The following EPHA5 variants were observed in gnomAD, a reference collection of about 807,000 sequenced individuals.
The protein encoded by EPHA5 is ephrin type-A receptor 5.
Under a neutral mutation model 105.0 loss-of-function variants are expected in EPHA5, and 60 were observed. The observed-to-expected ratio is 0.57, with a 90% CI of 0.46 to 0.71. The LOEUF is 0.71. Ranked by LOEUF, EPHA5 falls within the 30% of genes least tolerant of loss-of-function variation. The pLI, the probability that EPHA5 is intolerant of heterozygous loss-of-function variation, is 0.00. For missense variants in EPHA5, 1,218 were observed against 1,274.7 expected (o/e 0.96, Z 0.68); for synonymous variants, 513 against 449.1 (o/e 1.14, Z -1.80).
rs1158413950 is a variant in EPHA5, at chr4:65,383,693, G to GCC, written c.1794-16270_1794-16269insGG. ...GGTCATAATATCTGCCAGTCTGAAGGAGTAATGGTATCTTCCTACCAACTT... is the reference window on the plus strand; with the variant it reads ...GGTCATAATATCTGCCAGTCTGAAGGCCAGTAATGGTATCTTCCTACCAACTT... On this transcript the variant is annotated intron_variant, in intron 8 of 16. Transcript: ENST00000613740. Among the ~76,000 whole-genome samples, 3 of 151,700 alleles carry GCC rather than the reference G, an allele frequency of 2.0e-5. No individual in the cohort carries two copies. In the East Asian group the frequency reaches 5.9e-4, roughly 30 times the overall value.
At chr4:65,639,611 G>T (rs1747460207) in intron 2 of EPHA5, among the ~76,000 whole-genome samples, 1 of 152,154 alleles carries the variant, frequency 6.6e-6, no homozygotes, top group South Asian at 2.1e-4. Context: ...TTTCCTGAAT[G>T]TGTGCATTAA....
At chr4:65,510,682 T>C (rs1733533119) in intron 3 of EPHA5, among the ~76,000 whole-genome samples, 1 of 152,192 alleles carries the variant, frequency 6.6e-6, no homozygotes. Context: ...CTATGATTGA[T>C]TTGGCAATGG....
At chr4:65,390,786 A>G (rs908852614) in intron 8 of EPHA5, among the ~76,000 whole-genome samples, 4 of 152,136 alleles carry the variant, frequency 2.6e-5, no homozygotes, top group African/African-American at 9.7e-5. Context: ...CTAATATTTA[A>G]TACATAAAAG....
At chr4:65,385,815 C>A (rs1720024137) in intron 8 of EPHA5, among the ~76,000 whole-genome samples, 1 of 151,564 alleles carries the variant, frequency 6.6e-6, no homozygotes, top group Non-Finnish European at 1.5e-5. Flanking sequence ...AGGAATTTAC[C>A]TGACCAAACA....
chr4:65,348,215 A>G lies in EPHA5; in HGVS notation c.2446-12T>C. 6.2e-7 allele frequency: 1 copy of G among 1,606,698 alleles called. No individual in the cohort carries two copies. Among genetic ancestry groups the G allele is most frequent in the Non-Finnish European group, 8.5e-7 (1 of 1,177,256 alleles). ...GGAATTTTTCCTCCCTAAAATTGAA[A>G]AAGATTTAAAAAACTTCCTACATAC... On this transcript the variant is annotated splice_polypyrimidine_tract_variant and intron_variant, in intron 13 of 16. Transcript: ENST00000613740.
At chr4:65,510,648 C>T (rs10010284) in intron 3 of EPHA5, among the ~76,000 whole-genome samples, 142,075 of 152,246 alleles carry the variant, frequency 0.93, 66,545 homozygotes, top group Middle Eastern at 0.99. Flanking sequence ...ACTCAATAGC[C>T]GTTTTAAAAC....
At position 65,529,046 on chromosome 4, in the gene EPHA5, G is replaced by A. The variant is rs183406713; in HGVS notation, c.911-33503C>T. ...AGGTTTTAGAGTGTTTAAAAACTAT[G>A]TTCAATTAAAACATCTCACAGTTTC... On this transcript the variant is annotated intron_variant, in intron 3 of 16. Transcript: ENST00000613740. Among the ~76,000 whole-genome samples the A allele has an allele frequency of 4.7e-3, 711 of 152,204 alleles. 7 individuals carry two copies. Among genetic ancestry groups the A allele is most frequent in the African/African-American group, 0.016 (671 of 41,532 alleles).
intron 2 of EPHA5, among the ~76,000 whole-genome samples, chr4:65,624,822 A>G (rs368284866): frequency 1.4e-4 from 22 of 152,308 alleles, no homozygotes; most frequent in African/African-American, 5.1e-4. Flanking sequence ...ACTGTGTACA[A>G]GTCATTTTTC....
chr4:65,559,872 G>A (rs183628556), intron 3 of EPHA5, among the ~76,000 whole-genome samples: 342 of 152,074 alleles, frequency 2.2e-3, no homozygotes, highest in African/African-American at 7.8e-3. Flanking sequence ...AAAATGTCTC[G>A]ATTACTGAAA....
chr4:65,485,451 A>G (rs1730787467), intron 5 of EPHA5, among the ~76,000 whole-genome samples: 1 of 152,172 alleles, frequency 6.6e-6, no homozygotes, highest in African/African-American at 2.4e-5. Context: ...AATTTGAACC[A>G]ATTCTAGTAT....
At chr4:65,505,825 T>A (rs1478177208) in intron 3 of EPHA5, among the ~76,000 whole-genome samples, 2 of 152,060 alleles carry the variant, frequency 1.3e-5, no homozygotes, top group Non-Finnish European at 2.9e-5. Context: ...AAGGGAATTT[T>A]TTTGTGAACT....
chr4:65,367,712 C>T (rs1479785996), intron 8 of EPHA5, among the ~76,000 whole-genome samples: 1 of 152,040 alleles, frequency 6.6e-6, no homozygotes, highest in Non-Finnish European at 1.5e-5. Flanking sequence ...TTGTTGTTCT[C>T]TTTTCCTCTT....
intron 1 of EPHA5, among the ~76,000 whole-genome samples, chr4:65,647,668 A>T (rs1748242647): frequency 2.0e-5 from 3 of 151,946 alleles, no homozygotes; most frequent in South Asian, 2.1e-4. Context: ...TTTTATGAAA[A>T]TTTTTTTCAT....
At chr4:65,645,614 C>T (rs1027962475) in intron 1 of EPHA5, among the ~76,000 whole-genome samples, 12 of 143,526 alleles carry the variant, frequency 8.4e-5, no homozygotes, top group Non-Finnish European at 1.5e-4. Flanking sequence ...CCATTTTTAC[C>T]TTTTTTTTTT....
chr4:65,366,028 C>A lies in EPHA5; in HGVS notation c.1891G>T (p.Asp631Tyr). The A allele has an allele frequency of 6.3e-7, 1 of 1,598,124 alleles. No homozygotes were observed. The highest frequency in any genetic ancestry group is 8.6e-7 in the Non-Finnish European group (1 of 1,168,912). The change falls in exon 10 of 17, where the codon GAT (aspartate) becomes TAT (tyrosine). Residue 631 changes from aspartate (D) to tyrosine (Y), a missense_variant. Asp to Tyr is a radical substitution (Grantham distance 160). Coordinates refer to ENST00000613740, the MANE Select transcript of EPHA5 (RefSeq NM_001281766.3). Reference protein sequence around the residue: ...IKLPGVRTYIDPHTYEDPNQA... With the variant: ...IKLPGVRTYIYPHTYEDPNQA... Reference sequence around the variant, plus strand: ...TTGGGATCCTCATAGGTATGTGGATCAATGTAAGTTCTTACTCCTGGCAGT... The same window carrying A: ...TTGGGATCCTCATAGGTATGTGGATAAATGTAAGTTCTTACTCCTGGCAGT...
At chr4:65,531,658 A>C (rs1330701260) in intron 3 of EPHA5, among the ~76,000 whole-genome samples, 2 of 151,728 alleles carry the variant, frequency 1.3e-5, no homozygotes, top group Non-Finnish European at 2.9e-5. Flanking sequence ...ATGATCCAGG[A>C]ATCTGATCAT....
intron 3 of EPHA5, among the ~76,000 whole-genome samples, chr4:65,511,547 T>G (rs1193048755): frequency 2.0e-5 from 3 of 152,192 alleles, no homozygotes; most frequent in Non-Finnish European, 4.4e-5. Flanking sequence ...ACAGTGCATA[T>G]GTGTATATAT....
intron 8 of EPHA5, among the ~76,000 whole-genome samples, chr4:65,385,020 C>A (rs910045352): frequency 6.6e-6 from 1 of 151,588 alleles, no homozygotes; most frequent in Admixed American, 6.6e-5. Flanking sequence ...CATGATGAAC[C>A]TATTTGTGCT....
intron 5 of EPHA5, among the ~76,000 whole-genome samples, chr4:65,474,766 A>G (rs1041619401): frequency 1.3e-5 from 2 of 152,170 alleles, no homozygotes; most frequent in African/African-American, 4.8e-5. Context: ...ATAAAATCAA[A>G]TGGAATAAAT....
Sources: allele counts gnomAD v4.1 joint callset (sites outside exome capture counted in the v4.1 genomes callset), GRCh38; gene constraint gnomAD v4.1.1; transcripts MANE v1.5; gene names NCBI Gene and HGNC (gene_info 2026-07-23, HGNC 2026-07-21).